The following ASIC2 variants were observed in gnomAD, a reference collection of about 807,000 sequenced individuals.
ASIC2 encodes acid-sensing ion channel 2.
ASIC2 carries 25 observed loss-of-function variants against 57.3 expected under a neutral mutation model. That is an observed-to-expected ratio of 0.44 (90% confidence interval 0.32 to 0.61). The LOEUF is 0.61. Ranked by LOEUF, ASIC2 falls within the 20% of genes least tolerant of loss-of-function variation. ASIC2 has a pLI of 0.06. For missense variants in ASIC2, 641 were observed against 738.1 expected (o/e 0.87, Z 1.52); for synonymous variants, 319 against 307.5 (o/e 1.04, Z -0.39).
intron 3 of ASIC2, among the ~76,000 whole-genome samples, chr17:33,036,749 A>C (rs8067835): frequency 6.6e-6 from 1 of 151,870 alleles, no homozygotes; most frequent in Admixed American, 6.6e-5. Context: ...TTCCTTTCCC[A>C]TGAAGCCTTG....
At chr17:33,905,051 G>A (rs970167441) in intron 1 of ASIC2, among the ~76,000 whole-genome samples, 1 of 151,410 alleles carries the variant, frequency 6.6e-6, no homozygotes, top group African/African-American at 2.4e-5. Context: ...TTCCATCATT[G>A]GTCACAAATG....
chr17:33,160,206 TAAAAAA>T (rs34143186), intron 1 of ASIC2, among the ~76,000 whole-genome samples: 5 of 129,568 alleles, frequency 3.9e-5, no homozygotes, highest in Non-Finnish European at 9.0e-5. Flanking sequence ...GAGACCCTGT[TAAAAAA>T]AAAAAAGAAA....
intron 1 of ASIC2, among the ~76,000 whole-genome samples, chr17:33,367,496 G>T (rs2141935993): frequency 6.6e-6 from 1 of 152,296 alleles, no homozygotes; most frequent in South Asian, 2.1e-4. Flanking sequence ...GCTCCCCAGA[G>T]AAAGTTGCCA....
intron 1 of ASIC2, among the ~76,000 whole-genome samples, chr17:34,111,830 C>G (rs555483924): frequency 1.3e-5 from 2 of 152,040 alleles, no homozygotes; most frequent in Admixed American, 6.6e-5. Context: ...GAAGAATGTT[C>G]TAGTAAATTA....
chr17:33,617,021 C>A (rs575648550), intron 1 of ASIC2, among the ~76,000 whole-genome samples: 3 of 152,332 alleles, frequency 2.0e-5, no homozygotes, highest in East Asian at 1.9e-4. Context: ...ATATTAAATA[C>A]ATTCCTGTTT....
intron 1 of ASIC2, among the ~76,000 whole-genome samples, chr17:33,520,996 T>C (rs1334826057): frequency 1.3e-5 from 2 of 152,150 alleles, no homozygotes; most frequent in Non-Finnish European, 2.9e-5. Flanking sequence ...GGTACTGATG[T>C]TGGCATTGCT....
chr17:33,166,948 T>TC (rs1905327643), intron 1 of ASIC2, among the ~76,000 whole-genome samples: 1 of 152,224 alleles, frequency 6.6e-6, no homozygotes, highest in Admixed American at 6.5e-5. Flanking sequence ...GGTAACAGAC[T>TC]GGAATCATAG....
chr17:33,972,359 C>T (rs1905247756), intron 1 of ASIC2, among the ~76,000 whole-genome samples: 2 of 152,160 alleles, frequency 1.3e-5, no homozygotes, highest in South Asian at 2.1e-4. Context: ...CATCCAGTCT[C>T]TCTGTGGGCT....
chr17:33,624,569 G>T (rs116708089), intron 1 of ASIC2, among the ~76,000 whole-genome samples: 2 of 152,258 alleles, frequency 1.3e-5, no homozygotes, highest in African/African-American at 4.8e-5. Context: ...AACATACACA[G>T]TATCCTTCTT....
intron 1 of ASIC2, among the ~76,000 whole-genome samples, chr17:33,877,301 G>A (rs1033619062): frequency 3.3e-5 from 5 of 152,190 alleles, no homozygotes; most frequent in African/African-American, 4.8e-5. Flanking sequence ...CACCGAGCAT[G>A]AGCCAAAGCA....
intron 3 of ASIC2, among the ~76,000 whole-genome samples, chr17:33,044,585 C>T (rs2141921436): frequency 6.6e-6 from 1 of 152,280 alleles, no homozygotes; most frequent in Non-Finnish European, 1.5e-5. Context: ...TGGCCTCAAA[C>T]TCCTGACCTC....
At chr17:33,373,290 A>G (rs8081982) in intron 1 of ASIC2, among the ~76,000 whole-genome samples, 71,717 of 152,132 alleles carry the variant, frequency 0.47, 17,289 homozygotes, top group East Asian at 0.79. Flanking sequence ...TTATGACAGT[A>G]AGAGAAATCT....
At chr17:33,901,977 C>T (rs925032762) in intron 1 of ASIC2, among the ~76,000 whole-genome samples, 35 of 152,150 alleles carry the variant, frequency 2.3e-4, no homozygotes, top group Middle Eastern at 3.2e-3. Flanking sequence ...CTTTTTATTA[C>T]GTCTTCTAAC....
intron 4 of ASIC2, among the ~76,000 whole-genome samples, chr17:33,026,273 C>T (rs903307743): frequency 3.3e-5 from 5 of 152,296 alleles, no homozygotes; most frequent in Non-Finnish European, 7.4e-5. Context: ...AGCCAGCTCC[C>T]GTGGGTGACA....
At chr17:34,044,394 A>G (rs1908259875) in intron 1 of ASIC2, among the ~76,000 whole-genome samples, 1 of 152,158 alleles carries the variant, frequency 6.6e-6, no homozygotes, top group African/African-American at 2.4e-5. Context: ...TAAAATTAAA[A>G]AGTCAAATTT....
At chr17:33,200,029 A>G (rs1220816365) in intron 1 of ASIC2, among the ~76,000 whole-genome samples, 1 of 151,990 alleles carries the variant, frequency 6.6e-6, no homozygotes, top group East Asian at 1.9e-4. Context: ...CTGCCTTTGC[A>G]CATGCTGTTC....
chr17:33,543,428 T>G (rs1223038838), intron 1 of ASIC2, among the ~76,000 whole-genome samples: 1 of 152,138 alleles, frequency 6.6e-6, no homozygotes, highest in Non-Finnish European at 1.5e-5. Flanking sequence ...AGAGGTAGTG[T>G]CAGAAGTAAC....
intron 1 of ASIC2, among the ~76,000 whole-genome samples, chr17:33,955,860 T>A (rs1904718790): frequency 6.6e-6 from 1 of 152,200 alleles, no homozygotes. Flanking sequence ...CTGTAAAACC[T>A]TAGTGTCCTC....
At chr17:33,592,440 C>T (rs543557730) in intron 1 of ASIC2, among the ~76,000 whole-genome samples, 16 of 152,212 alleles carry the variant, frequency 1.1e-4, no homozygotes, top group Non-Finnish European at 1.9e-4. Flanking sequence ...CAGGCACAAG[C>T]CTGAAGTGAG....
Sources: gnomAD v4.1 joint callset for allele counts (sites outside exome capture counted in the v4.1 genomes callset) on GRCh38, gnomAD v4.1.1 for gene constraint, MANE v1.5 for transcripts, NCBI Gene and HGNC (gene_info 2026-07-23, HGNC 2026-07-21) for gene names.